Variants in DPYD observed in about 807,000 individuals in gnomAD.
The protein encoded by DPYD is dihydropyrimidine dehydrogenase.
In DPYD, 109 loss-of-function variants were observed where a neutral mutation model predicts 116.2. The observed-to-expected ratio is 0.94, with a 90% CI of 0.80 to 1.10. The LOEUF (loss-of-function observed/expected upper bound fraction) is 1.10, where lower values mean the gene tolerates loss of function less well. Ranked by LOEUF, DPYD falls within the 50% of genes least tolerant of loss-of-function variation. The pLI is 0.00. For synonymous variants in DPYD, 440 were observed against 432.0 expected, an observed-to-expected ratio of 1.02 and a Z score of -0.23; for missense variants, 1,302 against 1,254.5, an observed-to-expected ratio of 1.04 and a Z score of -0.57.
intron 3 of DPYD, among the ~76,000 whole-genome samples, chr1:97,749,394 A>C (rs1479568565): frequency 1.3e-5 from 2 of 152,200 alleles, no homozygotes; most frequent in African/African-American, 4.8e-5. Context: ...TACATTTTGC[A>C]CTGGTCATAT....
At chr1:97,640,399 C>T (rs1657820211) in intron 8 of DPYD, among the ~76,000 whole-genome samples, 6 of 152,084 alleles carry the variant, frequency 3.9e-5, no homozygotes, top group Admixed American at 3.9e-4. Flanking sequence ...AACTCCGCCT[C>T]CCAGGTTCAA....
intron 14 of DPYD, among the ~76,000 whole-genome samples, chr1:97,449,767 A>T (rs1355873994): frequency 6.6e-6 from 1 of 152,212 alleles, no homozygotes; most frequent in East Asian, 1.9e-4. Context: ...AGCCACATAC[A>T]GTGAAAACCA....
intron 13 of DPYD, among the ~76,000 whole-genome samples, chr1:97,477,039 T>G (rs1189178507): frequency 1.3e-5 from 2 of 152,206 alleles, no homozygotes; most frequent in Non-Finnish European, 2.9e-5. Flanking sequence ...TGCTGGCTGC[T>G]TACTGATCAG....
At chr1:97,728,445 T>C (rs1232099924) in intron 4 of DPYD, among the ~76,000 whole-genome samples, 1 of 152,106 alleles carries the variant, frequency 6.6e-6, no homozygotes, top group Non-Finnish European at 1.5e-5. Context: ...TCCAAAGTCA[T>C]TATCAAGAAA....
At chr1:97,413,910 G>C (rs1284625838) in intron 14 of DPYD, among the ~76,000 whole-genome samples, 1 of 151,268 alleles carries the variant, frequency 6.6e-6, no homozygotes, top group Admixed American at 6.6e-5. Flanking sequence ...AGAGATTTAT[G>C]CATTTCTTAA....
intron 1 of DPYD, among the ~76,000 whole-genome samples, chr1:97,888,364 ATG>A (rs1196608418): frequency 6.6e-6 from 1 of 152,072 alleles, no homozygotes; most frequent in Non-Finnish European, 1.5e-5. Flanking sequence ...CCTCAATGAT[ATG>A]TGATACACCA....
intron 14 of DPYD, among the ~76,000 whole-genome samples, chr1:97,384,625 A>G (rs1261717188): frequency 2.0e-5 from 3 of 152,176 alleles, no homozygotes; most frequent in Admixed American, 6.6e-5. Flanking sequence ...GCTGGCGATT[A>G]TATGAGTAAG....
intron 16 of DPYD, among the ~76,000 whole-genome samples, chr1:97,334,972 C>G (rs953082635): frequency 3.9e-5 from 6 of 152,110 alleles, no homozygotes; most frequent in East Asian, 1.9e-4. Flanking sequence ...CACGGAGGTT[C>G]TGTGTGTGTT....
At chr1:97,810,003 C>T (rs11165913) in intron 3 of DPYD, among the ~76,000 whole-genome samples, 126,035 of 151,958 alleles carry the variant, frequency 0.83, 52,454 homozygotes, top group East Asian at 0.98. Flanking sequence ...TAAACAAGCA[C>T]CGGCCGGGCG....
intron 18 of DPYD, among the ~76,000 whole-genome samples, chr1:97,270,720 G>A (rs879877757): frequency 2.6e-5 from 4 of 152,166 alleles, no homozygotes; most frequent in Admixed American, 2.6e-4. Context: ...ACTTTGTCTG[G>A]TTATGTTCTT....
chr1:97,723,686 CTG>C (rs1195537286), intron 4 of DPYD, among the ~76,000 whole-genome samples: 1 of 151,552 alleles, frequency 6.6e-6, no homozygotes, highest in Non-Finnish European at 1.5e-5. Flanking sequence ...AGATTTACCA[CTG>C]TGTTTGTCAG....
intron 14 of DPYD, among the ~76,000 whole-genome samples, chr1:97,387,451 T>G (rs1229741267): frequency 6.6e-6 from 1 of 152,138 alleles, no homozygotes; most frequent in Non-Finnish European, 1.5e-5. Context: ...TCCTGAAGCT[T>G]ACATTTTAGG....
intron 18 of DPYD, among the ~76,000 whole-genome samples, chr1:97,271,570 T>C (rs909815234): frequency 6.6e-6 from 1 of 152,192 alleles, no homozygotes; most frequent in Non-Finnish European, 1.5e-5. Context: ...AAATTCAACC[T>C]TTTTCAAGAA....
intron 14 of DPYD, among the ~76,000 whole-genome samples, chr1:97,436,447 A>G (rs1675476912): frequency 6.6e-6 from 1 of 151,872 alleles, no homozygotes; most frequent in African/African-American, 2.4e-5. Context: ...AAGACTCCAC[A>G]TTCACTGCAT....
chr1:97,106,208 C>T (rs372447594), intron 20 of DPYD, among the ~76,000 whole-genome samples: 1 of 151,988 alleles, frequency 6.6e-6, no homozygotes. Flanking sequence ...GTTCTAAGGT[C>T]ATCATTATTT....
At chr1:97,818,067 G>A (rs548902034) in intron 3 of DPYD, among the ~76,000 whole-genome samples, 2 of 152,104 alleles carry the variant, frequency 1.3e-5, no homozygotes, top group South Asian at 2.1e-4. Flanking sequence ...GGAAAATGCA[G>A]TTTTTTCCTG....
At chr1:97,572,481 T>C (rs1180232335) in intron 11 of DPYD, among the ~76,000 whole-genome samples, 1 of 151,956 alleles carries the variant, frequency 6.6e-6, no homozygotes, top group Non-Finnish European at 1.5e-5. Flanking sequence ...AAGCTAACCT[T>C]TTTGGATAGG....
intron 19 of DPYD, among the ~76,000 whole-genome samples, chr1:97,205,638 G>C (rs184863021): frequency 2.0e-5 from 3 of 151,986 alleles, no homozygotes; most frequent in Non-Finnish European, 2.9e-5. Flanking sequence ...AGTGTAATCT[G>C]ATATCCATAG....
chr1:97,667,076 ATAC>A (rs1659606005), intron 8 of DPYD, among the ~76,000 whole-genome samples: 1 of 152,208 alleles, frequency 6.6e-6, no homozygotes, highest in Non-Finnish European at 1.5e-5. Flanking sequence ...GACTGCTTTC[ATAC>A]TACAAATGTA....
Sources: gnomAD v4.1 joint callset for allele counts (sites outside exome capture counted in the v4.1 genomes callset) on GRCh38, gnomAD v4.1.1 for gene constraint, MANE v1.5 for transcripts, NCBI Gene and HGNC (gene_info 2026-07-23, HGNC 2026-07-21) for gene names.